Variants in EP300 observed in about 807,000 individuals in gnomAD.
EP300 encodes the protein histone acetyltransferase p300.
In EP300, 31 loss-of-function variants were observed where a neutral mutation model predicts 264.0. That is an observed-to-expected ratio of 0.12 (90% CI 0.09 to 0.16). The LOEUF is 0.16. EP300 is among the 10% of genes least tolerant of loss of function. The pLI, the probability that EP300 is intolerant of heterozygous loss-of-function variation, is 1.00. For synonymous variants in EP300, 1,340 were observed against 1,045.4 expected (o/e 1.28, Z -5.44); for missense variants, 2,766 against 3,052.9 (o/e 0.91, Z 2.21).
intron 29 of EP300, chr22:41,175,941 C>T (rs1156660187): frequency 2.4e-6 from 1 of 409,762 alleles, no homozygotes; most frequent in East Asian, 5.1e-5. Context: ...GGTGCTCAGC[C>T]TGCTGTACCT....
In EP300 at chr22:41,178,678, C is replaced by T. The variant is rs201369756; in HGVS notation, c.6967C>T (p.Pro2323Ser). 46 of 1,614,082 alleles carry T rather than the reference C, an allele frequency of 2.8e-5. No homozygotes were observed. The highest frequency in any genetic ancestry group is 3.7e-5 in the Non-Finnish European group (44 of 1,180,046). The change falls in exon 31 of 31, where the codon CCC becomes TCC. Residue 2323 changes from proline to serine, a missense_variant. Transcript: ENST00000263253. ...VPSPRPQSQP[P>S]HSSPSPRMQP... is the part of the protein sequence containing the mutation. The stretch of plus-strand genomic sequence containing the variant: ...TTCTCCACGGCCACAGTCCCAGCCC[C>T]CCCACTCCAGTCCTTCCCCAAGGAT...
chr22:41,145,576 G>C (rs5758245), intron 10 of EP300, among the ~76,000 whole-genome samples: 1 of 152,230 alleles, frequency 6.6e-6, no homozygotes, highest in African/African-American at 2.4e-5. Flanking sequence ...TACTACACTA[G>C]AGCATGTGCA....
In EP300 at chr22:41,092,700, C is replaced by G. The variant is rs987621781; in HGVS notation, c.-305C>G. On this transcript the variant is annotated 5_prime_UTR_variant, in exon 1 of 31. Transcript: ENST00000263253. ...CCGTGGCGGGCCGGGGACTGCGCCT[C>G]TAGAGCCGCGAGTTCTCGGGAATTC... 1.6e-6 allele frequency: 1 copy of G among 620,932 alleles called. No individual in the cohort carries two copies. The highest frequency in any genetic ancestry group is 2.9e-6 in the Non-Finnish European group (1 of 342,690). 38.5% of individuals were successfully genotyped at this position (620,932 alleles called of 1,614,324 possible).
chr22:41,113,150 G>T (rs2058802636), intron 1 of EP300, among the ~76,000 whole-genome samples: 1 of 107,016 alleles, frequency 9.3e-6, no homozygotes, highest in Non-Finnish European at 1.8e-5. Flanking sequence ...GTTTGAATCA[G>T]GATTCCACCC....
At chr22:41,112,547 A>G (rs1441723453) in intron 1 of EP300, among the ~76,000 whole-genome samples, 1 of 152,152 alleles carries the variant, frequency 6.6e-6, no homozygotes, top group African/African-American at 2.4e-5. Context: ...GGCGAATGAC[A>G]GTTTATAGAT....
At chr22:41,168,988 A>G in intron 25 of EP300, 121 bp downstream of exon 25, 2 of 1,374,162 alleles carry the variant, frequency 1.5e-6, no homozygotes, top group Non-Finnish European at 2.1e-6. Flanking sequence ...GCAAAATCTC[A>G]AGTGTCCAGT....
At chr22:41,161,819 G>A (rs1324232423) in intron 20 of EP300, among the ~76,000 whole-genome samples, 1 of 152,124 alleles carries the variant, frequency 6.6e-6, no homozygotes, top group Non-Finnish European at 1.5e-5. Context: ...GAGAAAAGCT[G>A]GTTAATTTTT....
intron 1 of EP300, among the ~76,000 whole-genome samples, chr22:41,102,684 TA>T (rs2058738060): frequency 6.6e-6 from 1 of 152,098 alleles, no homozygotes; most frequent in South Asian, 2.1e-4. Context: ...ACAGCTGTTT[TA>T]GGGTTCCAGC....
intron 8 of EP300, among the ~76,000 whole-genome samples, chr22:41,138,724 A>G (rs1342282409): frequency 6.6e-6 from 1 of 152,142 alleles, no homozygotes; most frequent in Admixed American, 6.5e-5. Flanking sequence ...TTCAAACACC[A>G]TGCAGTATTT....
Position 41,147,827 on chromosome 22 carries a change from A to C in EP300, c.2132-10A>C. The C allele has an allele frequency of 6.3e-7, 1 of 1,595,622 alleles. No homozygotes were observed. Among genetic ancestry groups the C allele is most frequent in the Non-Finnish European group, 8.6e-7 (1 of 1,163,244 alleles). Reference sequence around the variant, plus strand: ...GGCATTCAGATCTAACATTTTGCTCATATTCACAGGTTTGAATCAATTTGG... The same window carrying C: ...GGCATTCAGATCTAACATTTTGCTCCTATTCACAGGTTTGAATCAATTTGG... On this transcript the variant is annotated splice_polypyrimidine_tract_variant and intron_variant, in intron 11 of 30. Coordinates refer to ENST00000263253, the MANE Select transcript of EP300 (RefSeq NM_001429.4).
In EP300 at chr22:41,092,910, G is replaced by T. The variant is rs539858458; in HGVS notation, c.-95G>T. On this transcript the variant is annotated 5_prime_UTR_variant, in exon 1 of 31. Coordinates refer to ENST00000263253, the MANE Select transcript of EP300 (RefSeq NM_001429.4). ...CCTCGGGTGCCGTCGGAGCCCCCCAGCCCACCCCTGGGTGCGGCGCGGGGA... is the reference window on the plus strand; with the variant it reads ...CCTCGGGTGCCGTCGGAGCCCCCCATCCCACCCCTGGGTGCGGCGCGGGGA... 34 of 1,416,076 alleles carry T rather than the reference G, an allele frequency of 2.4e-5. No homozygotes were observed. In the African/African-American group the frequency reaches 4.2e-4, roughly 18 times the overall value. 87.7% of individuals were successfully genotyped at this position (1,416,076 alleles called of 1,614,324 possible).
chr22:41,128,793 G>C (rs2058898467), intron 4 of EP300, among the ~76,000 whole-genome samples: 1 of 152,078 alleles, frequency 6.6e-6, no homozygotes, highest in Non-Finnish European at 1.5e-5. Context: ...TTACAGGCGT[G>C]AGCCACCACG....
At chr22:41,100,781 G>T (rs1048850510) in intron 1 of EP300, among the ~76,000 whole-genome samples, 2 of 151,980 alleles carry the variant, frequency 1.3e-5, no homozygotes. Flanking sequence ...TCAGATTTTG[G>T]TATCTGCAGT....
In EP300 at chr22:41,179,871, ACC is replaced by A. The variant is rs1161532977; in HGVS notation, c.*920_*921del. The A allele has an allele frequency of 6.0e-4, 88 of 146,164 alleles. 2 individuals carry two copies. Among genetic ancestry groups the A allele is most frequent in the African/African-American group, 2.5e-3 (82 of 32,468 alleles). The allele number at this position is 146,164 out of a possible 1,614,324, so 9.1% of individuals were successfully genotyped here. A position where few individuals can be genotyped will look rare whatever the true frequency, so the allele number is the denominator to read the frequency against. On this transcript the variant is annotated 3_prime_UTR_variant, in exon 31 of 31. Transcript: ENST00000263253. ...TGCTTGCTTTCTTCCTCCTTACCCTACCCCCCACTCACACACACACACACACA... is the reference window on the plus strand; with the variant it reads ...TGCTTGCTTTCTTCCTCCTTACCCTACCCCACTCACACACACACACACACA...
chr22:41,135,053 C>T (rs2058942727), intron 6 of EP300, among the ~76,000 whole-genome samples: 1 of 152,056 alleles, frequency 6.6e-6, no homozygotes, highest in Non-Finnish European at 1.5e-5. Context: ...GGACTAGGCG[C>T]ACACCACCAC....
chr22:41,108,238 CTTTTTCTTTTTTT>C (rs1002021258), intron 1 of EP300: 4 of 131,462 alleles, frequency 3.0e-5, no homozygotes, highest in African/African-American at 1.2e-4. Flanking sequence ...TTTTCTTTTT[CTTTTTCTTTTTTT>C]TTTTTTTTTT....
intron 10 of EP300, among the ~76,000 whole-genome samples, chr22:41,144,015 A>T (rs770058666): frequency 6.6e-6 from 1 of 152,208 alleles, no homozygotes; most frequent in Non-Finnish European, 1.5e-5. Flanking sequence ...TGAAAAAATA[A>T]TCCCGGTTGT....
intron 8 of EP300, 133 bp downstream of exon 8, chr22:41,137,923 T>C (rs552784582): frequency 1.9e-5 from 23 of 1,227,798 alleles, no homozygotes; most frequent in Middle Eastern, 2.5e-4. Flanking sequence ...TTGATACTTC[T>C]ACTCTTGTGG....
intron 1 of EP300, among the ~76,000 whole-genome samples, chr22:41,094,122 T>A (rs1011148086): frequency 4.6e-5 from 7 of 152,232 alleles, no homozygotes; most frequent in South Asian, 2.1e-4. Context: ...TTCTTACAGT[T>A]AGTTTAATGG....
Sources: allele counts gnomAD v4.1 joint callset (sites outside exome capture counted in the v4.1 genomes callset), GRCh38; gene constraint gnomAD v4.1.1; transcripts MANE v1.5; gene names NCBI Gene and HGNC (gene_info 2026-07-23, HGNC 2026-07-21).